Variants in CALCR observed in about 807,000 individuals in gnomAD.
CALCR encodes calcitonin receptor.
A neutral mutation model predicts 59.5 loss-of-function variants in CALCR; 47 were observed. The observed-to-expected ratio is 0.79, with a 90% CI of 0.63 to 1.01. The LOEUF is 1.01. CALCR is among the 50% of genes least tolerant of loss of function. CALCR has a pLI of 0.00. For synonymous variants in CALCR, 213 were observed against 211.3 expected (o/e 1.01, Z -0.07); for missense variants, 566 against 597.1 (o/e 0.95, Z 0.54).
chr7:93,448,607 T>A (rs1051395780), intron 8 of CALCR, among the ~76,000 whole-genome samples: 4 of 151,962 alleles, frequency 2.6e-5, no homozygotes, highest in African/African-American at 9.7e-5. Context: ...CAATGATTTC[T>A]AAAAAAAGTA....
At chr7:93,549,258 T>C (rs187545892) in intron 2 of CALCR, among the ~76,000 whole-genome samples, 18 of 151,904 alleles carry the variant, frequency 1.2e-4, no homozygotes, top group Admixed American at 9.2e-4. Flanking sequence ...ATCTGAATGA[T>C]GAGAAAGTAT....
At chr7:93,542,920 C>T (rs1288742421) in intron 2 of CALCR, among the ~76,000 whole-genome samples, 1 of 151,504 alleles carries the variant, frequency 6.6e-6, no homozygotes, top group African/African-American at 2.4e-5. Context: ...CTCTGGAATA[C>T]TTCCTGAAGG....
At chr7:93,459,127 T>C (rs1400374225) in intron 8 of CALCR, among the ~76,000 whole-genome samples, 1 of 152,134 alleles carries the variant, frequency 6.6e-6, no homozygotes, top group African/African-American at 2.4e-5. Flanking sequence ...GATTGATAAA[T>C]AAAAATTTCT....
intron 2 of CALCR, among the ~76,000 whole-genome samples, chr7:93,487,760 G>T (rs954801901): frequency 6.6e-6 from 1 of 151,402 alleles, no homozygotes; most frequent in Non-Finnish European, 1.5e-5. Context: ...CCAACTAGGG[G>T]TGAGTGGTTA....
intron 2 of CALCR, among the ~76,000 whole-genome samples, chr7:93,530,849 G>A (rs1172061537): frequency 6.6e-6 from 1 of 152,026 alleles, no homozygotes; most frequent in Non-Finnish European, 1.5e-5. Flanking sequence ...TAAGCTACTA[G>A]TTCTCCAAGT....
At chr7:93,556,681 T>G (rs1201089814) in intron 2 of CALCR, among the ~76,000 whole-genome samples, 7 of 151,966 alleles carry the variant, frequency 4.6e-5, no homozygotes, top group Admixed American at 2.0e-4. Flanking sequence ...ATATATATTT[T>G]TTCCTGAAAC....
intron 9 of CALCR, among the ~76,000 whole-genome samples, chr7:93,442,485 GGAAA>G (rs1322887407): frequency 4.6e-5 from 7 of 152,164 alleles, no homozygotes; most frequent in Admixed American, 4.6e-4. Context: ...ACAGACTGCA[GGAAA>G]GACTCTAGGC....
chr7:93,573,014 A>G (rs1371953437), intron 2 of CALCR, among the ~76,000 whole-genome samples: 2 of 152,214 alleles, frequency 1.3e-5, no homozygotes, highest in African/African-American at 4.8e-5. Context: ...TTATGTTAAA[A>G]TATTGAGTAG....
At chr7:93,476,536 C>T (rs955424635) in intron 5 of CALCR, among the ~76,000 whole-genome samples, 2 of 151,730 alleles carry the variant, frequency 1.3e-5, no homozygotes, top group African/African-American at 4.8e-5. Context: ...TATCCTGCAG[C>T]TGAGAGGTTT....
rs537153380 is a variant in CALCR, at chr7:93,479,229, GTGTGAAAACTGC to G, written c.205+113_205+124del. ...GCATGAAATACACAAACATACCATA[GTGTGAAAACTGC>G]TGTGAAAACTGCTGGCATATTAAAT... On this transcript the variant is annotated intron_variant, in intron 4 of 13. Transcript: ENST00000426151. 230 of 934,414 alleles carry G rather than the reference GTGTGAAAACTGC, an allele frequency of 2.5e-4. 1 individual carries two copies. The highest frequency in any genetic ancestry group is 2.1e-3 in the African/African-American group (124 of 60,476). The allele number at this position is 934,414 out of a possible 1,614,324, so 57.9% of individuals were successfully genotyped here.
chr7:93,455,314 C>T (rs1800188686), intron 8 of CALCR, among the ~76,000 whole-genome samples: 1 of 151,726 alleles, frequency 6.6e-6, no homozygotes, highest in South Asian at 2.1e-4. Flanking sequence ...CTGTGGTTGT[C>T]GTTCTCATAT....
chr7:93,445,063 A>T (rs1799983243), intron 8 of CALCR, among the ~76,000 whole-genome samples: 2 of 152,098 alleles, frequency 1.3e-5, no homozygotes, highest in African/African-American at 4.8e-5. Context: ...CTCTGGGCCC[A>T]GGAGAAGGCA....
At chr7:93,557,506 T>C (rs1789638662) in intron 2 of CALCR, among the ~76,000 whole-genome samples, 2 of 134,738 alleles carry the variant, frequency 1.5e-5, no homozygotes, top group African/African-American at 2.7e-5. Flanking sequence ...TGAATACTTT[T>C]TCCATGCTGT....
Position 93,503,680 on chromosome 7 carries a change from G to A in CALCR, c.-26-16673C>T, listed in dbSNP as rs369467914. 3.3e-4 allele frequency among the ~76,000 whole-genome samples: 50 copies of A among 152,286 alleles called. 1 individual carries two copies. The South Asian group carries it at 9.5e-3, about 29-fold the overall frequency. On this transcript the variant is annotated intron_variant, in intron 2 of 13. Transcript: ENST00000426151. ...TGCTGATAGGAATGTTCCCTATGGC[G>A]TAGCTTTGGAGTACAGAATAAGAAA...
chr7:93,518,345 A>C (rs946114274), intron 2 of CALCR, among the ~76,000 whole-genome samples: 2 of 151,856 alleles, frequency 1.3e-5, no homozygotes, highest in Non-Finnish European at 2.9e-5. Flanking sequence ...TGAAAACTCA[A>C]TAAAAATGAA....
intron 2 of CALCR, among the ~76,000 whole-genome samples, chr7:93,535,175 T>C (rs79029227): frequency 0.036 from 5,397 of 151,802 alleles, 337 homozygotes; most frequent in African/African-American, 0.12. Context: ...TCACTATTAT[T>C]GAATCTTGCT....
intron 8 of CALCR, among the ~76,000 whole-genome samples, chr7:93,459,774 T>TCAGAC (rs1450029531): frequency 4.6e-5 from 7 of 152,140 alleles, no homozygotes; most frequent in African/African-American, 9.7e-5. Context: ...CAAATATGGG[T>TCAGAC]TATTCTGAAC....
chr7:93,457,279 T>C (rs1800227560), intron 8 of CALCR, among the ~76,000 whole-genome samples: 1 of 152,192 alleles, frequency 6.6e-6, no homozygotes, highest in Admixed American at 6.6e-5. Context: ...AAAAGCTTTA[T>C]GCTTCTTTGG....
intron 2 of CALCR, among the ~76,000 whole-genome samples, chr7:93,511,933 A>G (rs570137774): frequency 1.8e-4 from 27 of 152,324 alleles, no homozygotes; most frequent in East Asian, 1.9e-4. Flanking sequence ...CTATGGGCAT[A>G]TAAGTAAATG....
Sources: gnomAD v4.1 joint callset for allele counts (sites outside exome capture counted in the v4.1 genomes callset) on GRCh38, gnomAD v4.1.1 for gene constraint, MANE v1.5 for transcripts, NCBI Gene and HGNC (gene_info 2026-07-23, HGNC 2026-07-21) for gene names.